Variants in EPHA6 observed in about 807,000 individuals in gnomAD.
The protein encoded by EPHA6 is ephrin type-A receptor 6.
Under a neutral mutation model 112.0 loss-of-function variants are expected in EPHA6, and 50 were observed. The observed-to-expected ratio is 0.45, with a 90% CI of 0.36 to 0.56. EPHA6 has a LOEUF of 0.56. Among genes scored for constraint, EPHA6 ranks in the 20% least tolerant of loss-of-function variants. EPHA6 has a pLI of 0.00. For synonymous variants in EPHA6, 529 were observed against 490.7 expected (o/e 1.08, Z -1.03); for missense variants, 1,280 against 1,417.4 (o/e 0.90, Z 1.56).
At chr3:96,843,272 T>C (rs555862127) in intron 1 of EPHA6, among the ~76,000 whole-genome samples, 1 of 152,182 alleles carries the variant, frequency 6.6e-6, no homozygotes, top group East Asian at 1.9e-4. Context: ...AAAGAGGTGT[T>C]TGCTTTGTTT....
chr3:97,113,809 G>A (rs2047799445), intron 3 of EPHA6, among the ~76,000 whole-genome samples: 1 of 151,938 alleles, frequency 6.6e-6, no homozygotes. Context: ...TTGCCTAGTA[G>A]CAAGAATGTC....
chr3:97,250,718 A>G (rs1188103157), intron 5 of EPHA6, among the ~76,000 whole-genome samples: 1 of 152,190 alleles, frequency 6.6e-6, no homozygotes, highest in Non-Finnish European at 1.5e-5. Context: ...CACATTTTCA[A>G]TATAGTTCTT....
chr3:97,067,826 G>A (rs1479512306), intron 3 of EPHA6, among the ~76,000 whole-genome samples: 1 of 151,890 alleles, frequency 6.6e-6, no homozygotes, highest in Non-Finnish European at 1.5e-5. Flanking sequence ...GAAGAGAGAG[G>A]TAAGTAGCAC....
chr3:97,266,624 C>T (rs368666380), intron 5 of EPHA6, among the ~76,000 whole-genome samples: 1 of 152,060 alleles, frequency 6.6e-6, no homozygotes, highest in Non-Finnish European at 1.5e-5. Context: ...ATTGTCTTGG[C>T]AAAAGCCTGG....
At chr3:97,252,517 C>G (rs2079172254) in intron 5 of EPHA6, among the ~76,000 whole-genome samples, 1 of 152,148 alleles carries the variant, frequency 6.6e-6, no homozygotes, top group African/African-American at 2.4e-5. Flanking sequence ...AGATCCCTCA[C>G]TGGGGAAAAT....
At chr3:97,199,488 T>C (rs1184977394) in intron 3 of EPHA6, among the ~76,000 whole-genome samples, 1 of 152,132 alleles carries the variant, frequency 6.6e-6, no homozygotes, top group Non-Finnish European at 1.5e-5. Context: ...TTGCCAAAGT[T>C]CTTCAGGTAA....
In EPHA6 at chr3:96,992,021, T is replaced by G. The variant is rs910707964; in HGVS notation, c.1114+4028T>G. ...CCTGTGATTGGTTCCCTGTGTCTTT[T>G]GGCTTTCTTACTAGTATCTTGCCGC... On this transcript the variant is annotated intron_variant, in intron 3 of 17. Coordinates refer to ENST00000389672, the MANE Select transcript of EPHA6 (RefSeq NM_001080448.3). 1.3e-4 allele frequency among the ~76,000 whole-genome samples: 20 copies of G among 152,302 alleles called. 1 individual carries two copies. The highest frequency in any genetic ancestry group is 4.8e-4 in the African/African-American group (20 of 41,574).
At chr3:97,157,540 CAGAG>C in intron 3 of EPHA6, among the ~76,000 whole-genome samples, 1 of 151,974 alleles carries the variant, frequency 6.6e-6, no homozygotes, top group Non-Finnish European at 1.5e-5. Flanking sequence ...GAGACACAGA[CAGAG>C]AGTGATTATA....
At chr3:97,116,760 T>A (rs193224088) in intron 3 of EPHA6, among the ~76,000 whole-genome samples, 47 of 151,868 alleles carry the variant, frequency 3.1e-4, no homozygotes, top group Non-Finnish European at 2.1e-4. Flanking sequence ...GTTGATTCCA[T>A]ATCTTGGATA....
intron 11 of EPHA6, among the ~76,000 whole-genome samples, chr3:97,573,163 A>G (rs1009986743): frequency 3.3e-5 from 5 of 152,354 alleles, no homozygotes; most frequent in East Asian, 1.9e-4. Flanking sequence ...TCTGCGTTGA[A>G]TAACTATGTC....
At chr3:97,604,163 T>C (rs954450278) in intron 12 of EPHA6, among the ~76,000 whole-genome samples, 10 of 151,810 alleles carry the variant, frequency 6.6e-5, no homozygotes, top group African/African-American at 2.4e-4. Flanking sequence ...AAATTAAATA[T>C]GCCAATGAGA....
chr3:97,444,883 G>T (rs893847595), intron 6 of EPHA6, among the ~76,000 whole-genome samples: 12 of 152,020 alleles, frequency 7.9e-5, no homozygotes, highest in African/African-American at 2.9e-4. Flanking sequence ...GTAAACGAAA[G>T]ATTCAGTGTG....
At chr3:97,209,991 A>T (rs2077823144) in intron 3 of EPHA6, among the ~76,000 whole-genome samples, 1 of 152,188 alleles carries the variant, frequency 6.6e-6, no homozygotes, top group Non-Finnish European at 1.5e-5. Flanking sequence ...ATACATTTTT[A>T]TTTCTAAGTT....
chr3:97,631,668 A>G (rs1246339148), intron 13 of EPHA6, among the ~76,000 whole-genome samples: 2 of 152,010 alleles, frequency 1.3e-5, no homozygotes, highest in African/African-American at 4.8e-5. Flanking sequence ...TGTTTATTGT[A>G]GGTACCCATG....
In EPHA6 at chr3:97,759,592, G is replaced by C; in HGVS notation, c.*10891G>C. On this transcript the variant is annotated 3_prime_UTR_variant, in exon 18 of 18. Transcript: ENST00000389672. ...TTGCGATTTAAAGCATAAGTAGGGAGGTTAATTTTTGATAGGTGCCGGAAT... is the reference window on the plus strand; with the variant it reads ...TTGCGATTTAAAGCATAAGTAGGGACGTTAATTTTTGATAGGTGCCGGAAT... 1 of 231,088 alleles carries C rather than the reference G, an allele frequency of 4.3e-6. No individual in the cohort carries two copies. 14.3% of individuals were successfully genotyped at this position (231,088 alleles called of 1,614,324 possible).
chr3:97,181,723 C>T (rs1022219644), intron 3 of EPHA6, among the ~76,000 whole-genome samples: 12 of 151,976 alleles, frequency 7.9e-5, no homozygotes, highest in African/African-American at 1.9e-4. Context: ...AGTTGATTTT[C>T]GCACTGAGTT....
At chr3:97,723,544 C>T (rs1349272124) in intron 15 of EPHA6, among the ~76,000 whole-genome samples, 1 of 152,174 alleles carries the variant, frequency 6.6e-6, no homozygotes, top group Non-Finnish European at 1.5e-5. Flanking sequence ...TGCCAATGCT[C>T]ACAGCACAAG....
chr3:97,317,711 A>G (rs2081912471), intron 5 of EPHA6, among the ~76,000 whole-genome samples: 1 of 151,994 alleles, frequency 6.6e-6, no homozygotes, highest in South Asian at 2.1e-4. Context: ...ACATTCATCC[A>G]AAGAATCCTT....
chr3:97,705,633 A>G (rs1389187608), intron 14 of EPHA6, among the ~76,000 whole-genome samples: 1 of 152,220 alleles, frequency 6.6e-6, no homozygotes, highest in African/African-American at 2.4e-5. Context: ...GAACTGAGTG[A>G]AAGAAAACAG....
Sources: allele counts gnomAD v4.1 joint callset (sites outside exome capture counted in the v4.1 genomes callset), GRCh38; gene constraint gnomAD v4.1.1; transcripts MANE v1.5; gene names NCBI Gene and HGNC (gene_info 2026-07-23, HGNC 2026-07-21).